Variants in HSPA13 observed in about 807,000 individuals in gnomAD.
HSPA13 encodes heat shock protein family A (Hsp70) member 13.
In HSPA13, 29 loss-of-function variants were observed where a neutral mutation model predicts 38.8. That is an observed-to-expected ratio of 0.75 (90% confidence interval 0.56 to 1.02). The LOEUF is 1.02. Ranked by LOEUF, HSPA13 falls within the 50% of genes least tolerant of loss-of-function variation. The pLI is 0.00. For missense variants in HSPA13, 451 were observed against 560.9 expected (o/e 0.80, Z 1.98); for synonymous variants, 192 against 205.3 (o/e 0.94, Z 0.56).
intron 4 of HSPA13, among the ~76,000 whole-genome samples, chr21:14,374,977 A>G (rs975821037): frequency 6.6e-6 from 1 of 151,372 alleles, no homozygotes; most frequent in Non-Finnish European, 1.5e-5. Flanking sequence ...AGAAAAAGAG[A>G]AAAAAAAATG....
At chr21:14,379,971 C>T (rs1331251367) in intron 2 of HSPA13, among the ~76,000 whole-genome samples, 1 of 151,798 alleles carries the variant, frequency 6.6e-6, no homozygotes, top group East Asian at 1.9e-4. Flanking sequence ...CAAGATCATG[C>T]CATTGCATTC....
chr21:14,381,154 A>G, intron 2 of HSPA13, 49 bp downstream of exon 2: 2 of 1,361,188 alleles, frequency 1.5e-6, no homozygotes, highest in South Asian at 2.7e-5. Context: ...CAAAGCATTA[A>G]CTAAAAGAGT....
In HSPA13 at chr21:14,372,511, A is replaced by G. The variant is rs1002993100; in HGVS notation, c.*1106T>C. The G allele has an allele frequency of 1.3e-5, 2 of 152,128 alleles. No homozygotes were observed. The highest frequency in any genetic ancestry group is 2.9e-5 in the Non-Finnish European group (2 of 67,972). 9.4% of individuals were successfully genotyped at this position (152,128 alleles called of 1,614,324 possible). ...TTCCACGTTACTTCCAGTATTCACA[A>G]ATTTTTTGCTTTCATTACAAACTAA... On this transcript the variant is annotated 3_prime_UTR_variant, in exon 5 of 5. Transcript: ENST00000285667.
chr21:14,380,173 A>G (rs1268766384), intron 2 of HSPA13, among the ~76,000 whole-genome samples: 2 of 121,504 alleles, frequency 1.6e-5, no homozygotes, highest in South Asian at 2.2e-4. Flanking sequence ...ATTAAGAGGG[A>G]AAAAAAAGTA....
intron 1 of HSPA13, 112 bp from the exon 2 acceptor site, chr21:14,381,655 A>G: frequency 1.0e-6 from 1 of 961,052 alleles, no homozygotes; most frequent in Non-Finnish European, 1.4e-6. Context: ...AAAAAAGACA[A>G]ATTTCAAAAT....
At position 14,372,052 on chromosome 21, in the gene HSPA13, T is replaced by A. The variant is rs1443493682; in HGVS notation, c.*1565A>T. 6.6e-6 allele frequency: 1 copy of A among 152,314 alleles called. No individual in the cohort carries two copies. The highest frequency in any genetic ancestry group is 1.5e-5 in the Non-Finnish European group (1 of 67,934). 9.4% of individuals were successfully genotyped at this position (152,314 alleles called of 1,614,324 possible). On this transcript the variant is annotated 3_prime_UTR_variant, in exon 5 of 5. Transcript: ENST00000285667. ...TTGAAATTTGTGTTTTAACAGCAAT[T>A]TCATTGCTAAGAATTTTTTTTTAGA...
chr21:14,380,850 A>G (rs1317928853), intron 2 of HSPA13, among the ~76,000 whole-genome samples: 4 of 152,182 alleles, frequency 2.6e-5, no homozygotes, highest in Non-Finnish European at 5.9e-5. Flanking sequence ...AAAATAGCAC[A>G]CCTGGTATGT....
intron 4 of HSPA13, 46 bp from the exon 5 acceptor site, chr21:14,374,330 T>C: frequency 7.4e-7 from 1 of 1,359,974 alleles, no homozygotes; most frequent in East Asian, 2.3e-5. Context: ...TATATGTGTG[T>C]ATGTATACAC....
rs1982827052 is a variant in HSPA13, at chr21:14,371,505, T to C, written c.*2112A>G. On this transcript the variant is annotated 3_prime_UTR_variant, in exon 5 of 5. Transcript: ENST00000285667. ...AAACTAAATTGACTTCAAGACTATT[T>C]ATAAATAGCCCACTAAAATATGATT... 6.6e-6 allele frequency: 1 copy of C among 152,194 alleles called. No individual in the cohort carries two copies. The highest frequency in any genetic ancestry group is 1.5e-5 in the Non-Finnish European group (1 of 67,992). The allele number at this position is 152,194 out of a possible 1,614,324, so 9.4% of individuals were successfully genotyped here. A position where few individuals can be genotyped will look rare whatever the true frequency, so the allele number is the denominator to read the frequency against.
In HSPA13 at chr21:14,381,372, C is replaced by T; in HGVS notation, c.197G>A (p.Ser66Asn). The change falls in exon 2 of 5, where the codon AGC (serine) becomes AAC (asparagine). Residue 66 changes from serine (S) to asparagine (N), a missense_variant. Coordinates refer to ENST00000285667, the MANE Select transcript of HSPA13 (RefSeq NM_006948.5). The part of the protein sequence containing the change: ...KVIPDENGHI[S>N]IPSMVSFTDN... ...AGTAAAAGACACCATGCTGGGTATG[C>T]TGATATGCCCATTTTCATCTGGAAT... 1 of 1,614,078 alleles carries T rather than the reference C, an allele frequency of 6.2e-7. No individual in the cohort carries two copies. Among genetic ancestry groups the T allele is most frequent in the South Asian group, 1.1e-5 (1 of 91,076 alleles).
chr21:14,381,255 T>C lies in HSPA13; in HGVS notation c.314A>G (p.Lys105Arg). The C allele has an allele frequency of 1.2e-6, 2 of 1,612,066 alleles. No individual in the cohort carries two copies. Among genetic ancestry groups the C allele is most frequent in the Non-Finnish European group, 1.7e-6 (2 of 1,178,562 alleles). Reference sequence around the variant, plus strand: ...CTCCAACTCTTCTGCGGTAAAAATCTTGCCTATGAATCTTTTGGCATCATA... The same window carrying C: ...CTCCAACTCTTCTGCGGTAAAAATCCTGCCTATGAATCTTTTGGCATCATA... The part of the protein sequence containing the change: ...TIYDAKRFIG[K>R]IFTAEELEAE... The change falls in exon 2 of 5, where the codon AAG becomes AGG. Residue 105 changes from lysine to arginine, a missense_variant. Transcript: ENST00000285667.
intron 3 of HSPA13, 92 bp downstream of exon 3, chr21:14,378,107 G>A: frequency 1.1e-6 from 1 of 886,070 alleles, no homozygotes; most frequent in Non-Finnish European, 1.8e-6. Flanking sequence ...GACTATGGTT[G>A]TGTGGTTTGG....
chr21:14,383,082 C>G lies in HSPA13; in HGVS notation c.25+13G>C, dbSNP rs747925283. 6.2e-7 allele frequency: 1 copy of G among 1,614,126 alleles called. No individual in the cohort carries two copies. Among genetic ancestry groups the G allele is most frequent in the South Asian group, 1.1e-5 (1 of 91,080 alleles). ...TACGCCCGCAAGAGCAACAAGGACC[C>G]CCGGGAACCCACCTAAGATCGTCAT... On this transcript the variant is annotated intron_variant, in intron 1 of 4. Coordinates refer to ENST00000285667, the MANE Select transcript of HSPA13 (RefSeq NM_006948.5).
Position 14,373,402 on chromosome 21 carries a change from A to G in HSPA13, c.*215T>C, listed in dbSNP as rs952761891. The G allele has an allele frequency of 1.9e-6, 1 of 514,144 alleles. No homozygotes were observed. The allele number at this position is 514,144 out of a possible 1,614,324, so 31.8% of individuals were successfully genotyped here. On this transcript the variant is annotated 3_prime_UTR_variant, in exon 5 of 5. Transcript: ENST00000285667. ...TACCTCAATTTTATCATTTTAGAGT[A>G]TTTGTTAGAATAGGATCTCTCCAAA...
In HSPA13 at chr21:14,374,245, A is replaced by G. The variant is rs1982899277; in HGVS notation, c.788T>C (p.Leu263Ser). The part of the protein sequence containing the change: ...KLGGQDFNQR[L>S]LQYLYKQIYQ... ...GATCTGTTTATATAAGTACTGAAGCAATCTCTGATTGAAGTCCTGTCCTCC... is the reference window on the plus strand; with the variant it reads ...GATCTGTTTATATAAGTACTGAAGCGATCTCTGATTGAAGTCCTGTCCTCC... The change falls in exon 5 of 5, where the codon TTG (leucine) becomes TCG (serine). Residue 263 changes from leucine (L) to serine (S), a missense_variant. Transcript: ENST00000285667. 5 of 1,611,082 alleles carry G rather than the reference A, an allele frequency of 3.1e-6. No individual in the cohort carries two copies. Among genetic ancestry groups the G allele is most frequent in the Non-Finnish European group, 4.2e-6 (5 of 1,179,542 alleles).
At chr21:14,375,300 T>A (rs945076865) in intron 4 of HSPA13, among the ~76,000 whole-genome samples, 1 of 152,174 alleles carries the variant, frequency 6.6e-6, no homozygotes, top group African/African-American at 2.4e-5. Context: ...ATGCGACTTA[T>A]AGGATGCCCA....
At chr21:14,376,225 A>G (rs1255164012) in intron 3 of HSPA13, among the ~76,000 whole-genome samples, 1 of 152,158 alleles carries the variant, frequency 6.6e-6, no homozygotes, top group Non-Finnish European at 1.5e-5. Context: ...CCTCCTGGCT[A>G]ACACGGTGAA....
intron 1 of HSPA13, 131 bp from the exon 2 acceptor site, chr21:14,381,674 G>T: frequency 1.5e-6 from 1 of 686,392 alleles, no homozygotes; most frequent in Non-Finnish European, 2.3e-6. Flanking sequence ...ATTTTTTATA[G>T]GACTGCTGAT....
chr21:14,373,512 G>T lies in HSPA13; in HGVS notation c.*105C>A. ...CCTGTATCTAAATGTTGCCCTCTAG[G>T]TAAATCTGTGATATTTTAGAGACTT... On this transcript the variant is annotated 3_prime_UTR_variant, in exon 5 of 5. Transcript: ENST00000285667. 1 of 1,005,900 alleles carries T rather than the reference G, an allele frequency of 9.9e-7. No individual in the cohort carries two copies. The highest frequency in any genetic ancestry group is 1.4e-6 in the Non-Finnish European group (1 of 701,408). 62.3% of individuals were successfully genotyped at this position (1,005,900 alleles called of 1,614,324 possible).
Sources: gnomAD v4.1 joint callset for allele counts (sites outside exome capture counted in the v4.1 genomes callset) on GRCh38, gnomAD v4.1.1 for gene constraint, MANE v1.5 for transcripts, NCBI Gene and HGNC (gene_info 2026-07-23, HGNC 2026-07-21) for gene names.